The following PRKCE variants were observed in gnomAD, a reference collection of about 807,000 sequenced individuals.
The protein encoded by PRKCE is protein kinase C epsilon.
In PRKCE, 16 loss-of-function variants were observed where a neutral mutation model predicts 85.4. The observed-to-expected ratio is 0.19, with a 90% confidence interval of 0.13 to 0.28. The LOEUF (loss-of-function observed/expected upper bound fraction) is 0.28, where lower values mean the gene tolerates loss of function less well. Ranked by LOEUF, PRKCE falls within the 10% of genes least tolerant of loss-of-function variation. The probability of loss-of-function intolerance (pLI) is 1.00; values close to 1 mark genes in which losing one functional copy is unlikely to be tolerated. For missense variants in PRKCE, 573 were observed against 975.2 expected (o/e 0.59, Z 5.49); for synonymous variants, 388 against 371.5 (o/e 1.04, Z -0.51).
chr2:45,875,348 A>G (rs1327158074), intron 2 of PRKCE, among the ~76,000 whole-genome samples: 1 of 152,244 alleles, frequency 6.6e-6, no homozygotes, highest in African/African-American at 2.4e-5. Context: ...AGGCATCACA[A>G]TTTAAAGCCT....
At chr2:45,876,105 G>A (rs1203731900) in intron 2 of PRKCE, among the ~76,000 whole-genome samples, 1 of 152,136 alleles carries the variant, frequency 6.6e-6, no homozygotes, top group Non-Finnish European at 1.5e-5. Context: ...ACATTACTGA[G>A]TACCTGTATT....
intron 10 of PRKCE, among the ~76,000 whole-genome samples, chr2:46,031,999 T>G (rs1453526910): frequency 1.3e-5 from 2 of 152,252 alleles, no homozygotes; most frequent in Non-Finnish European, 1.5e-5. Flanking sequence ...ATTTGGTTTT[T>G]TAAACTTCCA....
intron 2 of PRKCE, among the ~76,000 whole-genome samples, chr2:45,922,927 A>G (rs1698357844): frequency 6.6e-6 from 1 of 152,228 alleles, no homozygotes; most frequent in African/African-American, 2.4e-5. Context: ...ATTGGAAATA[A>G]TAAATGCACA....
At chr2:45,777,546 C>G (rs1685845274) in intron 1 of PRKCE, among the ~76,000 whole-genome samples, 1 of 152,192 alleles carries the variant, frequency 6.6e-6, no homozygotes, top group African/African-American at 2.4e-5. Context: ...ACATAGCCAT[C>G]TTTGTCCCTA....
At chr2:45,976,308 G>T (rs1426789885) in intron 2 of PRKCE, 121 bp from the exon 3 acceptor site, 3 of 1,180,284 alleles carry the variant, frequency 2.5e-6, no homozygotes, top group Non-Finnish European at 3.6e-6. Context: ...ACACACAAAG[G>T]CTACCTCTCA....
intron 11 of PRKCE, among the ~76,000 whole-genome samples, chr2:46,134,223 C>A (rs1674735336): frequency 6.6e-6 from 1 of 152,202 alleles, no homozygotes; most frequent in African/African-American, 2.4e-5. Flanking sequence ...GGTATTGAGA[C>A]ACTGGGATGC....
chr2:45,873,867 A>G (rs906069557), intron 2 of PRKCE, among the ~76,000 whole-genome samples: 20 of 152,208 alleles, frequency 1.3e-4, no homozygotes, highest in Admixed American at 2.6e-4. Context: ...AAAAAAACCA[A>G]CTGAGTCTCT....
At chr2:46,183,667 A>G (rs940208553) in intron 14 of PRKCE, among the ~76,000 whole-genome samples, 9 of 152,070 alleles carry the variant, frequency 5.9e-5, no homozygotes, top group Non-Finnish European at 1.3e-4. Context: ...TGCCCTGTGT[A>G]TGCATCTTTT....
In PRKCE at chr2:45,935,065, T is replaced by TCACACACA. The variant is rs758047038; in HGVS notation, c.413-41363_413-41362insACACACAC. Among the ~76,000 whole-genome samples the TCACACACA allele has an allele frequency of 6.3e-3, 673 of 107,178 alleles. 8 individuals carry two copies. The highest frequency in any genetic ancestry group is 0.025 in the Middle Eastern group (5 of 200). The allele number at this position is 107,178 out of a possible 152,430, so 70.3% of individuals were successfully genotyped here. ...AGCAAAGCGAGACACTCACTCTCTC[T>TCACACACA]CTCACACACACACACACACACACAC... On this transcript the variant is annotated intron_variant, in intron 2 of 14. Coordinates refer to ENST00000306156, the MANE Select transcript of PRKCE (RefSeq NM_005400.3).
rs77826695 is a variant in PRKCE, at chr2:46,016,069, G to A, written c.1437+5552G>A. On this transcript the variant is annotated intron_variant, in intron 10 of 14. Transcript: ENST00000306156. ...GGTAGAGGTTACAGGCTTAGTGTTG[G>A]CAGAATCAGTTATTAATAGAATCAG... 1.3e-3 allele frequency among the ~76,000 whole-genome samples: 203 copies of A among 152,288 alleles called. 6 individuals carry two copies. The East Asian group carries it at 0.036, about 27-fold the overall frequency.
intron 2 of PRKCE, among the ~76,000 whole-genome samples, chr2:45,938,325 C>T (rs77674078): frequency 1.9e-4 from 29 of 152,176 alleles, no homozygotes; most frequent in African/African-American, 6.0e-4. Flanking sequence ...TTTTGGAGAA[C>T]TAGGGTGACT....
At chr2:45,682,898 A>C (rs942604498) in intron 1 of PRKCE, among the ~76,000 whole-genome samples, 3 of 152,142 alleles carry the variant, frequency 2.0e-5, no homozygotes, top group Admixed American at 1.3e-4. Flanking sequence ...TGCCACGGTA[A>C]ATTGAGGTGT....
chr2:45,847,102 G>A (rs936468466), intron 2 of PRKCE, among the ~76,000 whole-genome samples: 1 of 152,208 alleles, frequency 6.6e-6, no homozygotes, highest in African/African-American at 2.4e-5. Context: ...ATTGCTTTCT[G>A]CACAGTTCAG....
At chr2:45,878,750 C>T (rs1025789332) in intron 2 of PRKCE, among the ~76,000 whole-genome samples, 1 of 152,098 alleles carries the variant, frequency 6.6e-6, no homozygotes, top group Non-Finnish European at 1.5e-5. Context: ...AGCTTTAATA[C>T]CAAAGACATA....
At chr2:46,164,091 C>G (rs1678075398) in intron 14 of PRKCE, among the ~76,000 whole-genome samples, 2 of 152,174 alleles carry the variant, frequency 1.3e-5, no homozygotes, top group African/African-American at 2.4e-5. Flanking sequence ...ATGTGAGATG[C>G]CTTCCTAGCA....
At chr2:46,085,736 G>GTTTTTTTTTTTGT (rs1669546446) in intron 10 of PRKCE, among the ~76,000 whole-genome samples, 7 of 104,564 alleles carry the variant, frequency 6.7e-5, no homozygotes, top group African/African-American at 2.6e-4. Context: ...TGCAAAATCC[G>GTTTTTTTTTTTGT]TTTTTTTTTT....
intron 2 of PRKCE, among the ~76,000 whole-genome samples, chr2:45,885,548 A>G (rs1024803625): frequency 6.6e-6 from 1 of 152,268 alleles, no homozygotes; most frequent in Non-Finnish European, 1.5e-5. Context: ...CTTCATTTAA[A>G]AAAGTTAATC....
chr2:45,692,284 T>A (rs975759986), intron 1 of PRKCE, among the ~76,000 whole-genome samples: 1 of 152,078 alleles, frequency 6.6e-6, no homozygotes, highest in Non-Finnish European at 1.5e-5. Flanking sequence ...TAAATCAAGG[T>A]GTTGGCAGGG....
At position 46,126,786 on chromosome 2, in the gene PRKCE, G is replaced by A. The variant is rs577417028; in HGVS notation, c.1593-18307G>A. Among the ~76,000 whole-genome samples the A allele has an allele frequency of 8.5e-5, 13 of 152,172 alleles. No individual in the cohort carries two copies. In the East Asian group the frequency reaches 1.9e-3, roughly 23 times the overall value. ...GTCCCATGGGAGGGTGAATGCTACC[G>A]TCACAGCCCTTACTGGGAGCTGATG... On this transcript the variant is annotated intron_variant, in intron 11 of 14. Transcript: ENST00000306156.
Sources: gnomAD v4.1 joint callset for allele counts (sites outside exome capture counted in the v4.1 genomes callset) on GRCh38, gnomAD v4.1.1 for gene constraint, MANE v1.5 for transcripts, NCBI Gene and HGNC (gene_info 2026-07-23, HGNC 2026-07-21) for gene names.